Variants in ADAM12 observed in about 807,000 individuals in gnomAD.
The protein encoded by ADAM12 is disintegrin and metalloproteinase domain-containing protein 12.
In ADAM12, 70 loss-of-function variants were observed where a neutral mutation model predicts 106.4. The ratio of observed to expected loss-of-function variants is 0.66; its 90% CI spans 0.54 to 0.80. The LOEUF (loss-of-function observed/expected upper bound fraction) is 0.80. Ranked by LOEUF, ADAM12 falls within the 30% of genes least tolerant of loss-of-function variation. ADAM12 has a pLI of 0.00. For synonymous variants in ADAM12, 420 were observed against 433.5 expected, an observed-to-expected ratio of 0.97 and a Z score of 0.39; for missense variants, 1,010 against 1,171.9, an observed-to-expected ratio of 0.86 and a Z score of 2.02.
intron 4 of ADAM12, among the ~76,000 whole-genome samples, chr10:126,139,985 C>T (rs1380560364): frequency 1.3e-5 from 2 of 152,184 alleles, no homozygotes; most frequent in Non-Finnish European, 2.9e-5. Flanking sequence ...TGCTCTGGGG[C>T]ATCAGGGGGA....
At chr10:126,371,015 T>C (rs1296137393) in intron 1 of ADAM12, among the ~76,000 whole-genome samples, 4 of 152,240 alleles carry the variant, frequency 2.6e-5, no homozygotes, top group Non-Finnish European at 5.9e-5. Flanking sequence ...CACTATTAGT[T>C]ATTCGTGTAA....
intron 3 of ADAM12, among the ~76,000 whole-genome samples, chr10:126,233,507 G>A (rs560700739): frequency 2.6e-4 from 39 of 152,080 alleles, no homozygotes; most frequent in Admixed American, 1.8e-3. Flanking sequence ...GGCCCACATG[G>A]TTTGGGTGGG....
chr10:126,359,957 T>A (rs1855685280), intron 1 of ADAM12, among the ~76,000 whole-genome samples: 1 of 152,116 alleles, frequency 6.6e-6, no homozygotes, highest in Non-Finnish European at 1.5e-5. Context: ...TAGCTGGAGG[T>A]TCCCAAACCC....
chr10:126,080,492 G>A lies in ADAM12; in HGVS notation c.1146-8838C>T, dbSNP rs7099801. ...CTTTAGCACGATCCTTTCCCTTGGC[G>A]TGAGAATGCTTTAAAATGGTGATAC... On this transcript the variant is annotated intron_variant, in intron 11 of 22. Coordinates refer to ENST00000448723, the MANE Select transcript of ADAM12 (RefSeq NM_001288973.2). Among the ~76,000 whole-genome samples the A allele has an allele frequency of 7.7e-3, 1,165 of 152,106 alleles. 10 individuals carry two copies. The highest frequency in any genetic ancestry group is 0.031 in the Middle Eastern group (9 of 294).
At chr10:126,142,960 G>A (rs1454766450) in intron 4 of ADAM12, among the ~76,000 whole-genome samples, 1 of 152,000 alleles carries the variant, frequency 6.6e-6, no homozygotes, top group Non-Finnish European at 1.5e-5. Context: ...ATATGCATGT[G>A]TGTATATCAG....
intron 12 of ADAM12, among the ~76,000 whole-genome samples, chr10:126,067,634 A>G (rs969327362): frequency 6.6e-6 from 1 of 152,258 alleles, no homozygotes; most frequent in Admixed American, 6.5e-5. Flanking sequence ...CGCATTTATC[A>G]AGTGAAGTCC....
chr10:126,044,984 A>G (rs900574750), intron 17 of ADAM12, among the ~76,000 whole-genome samples: 6 of 152,098 alleles, frequency 3.9e-5, no homozygotes, highest in Admixed American at 3.3e-4. Flanking sequence ...TTAGGGTGGG[A>G]CTGTGGCCAA....
At chr10:126,190,294 G>A (rs1590591725) in intron 3 of ADAM12, among the ~76,000 whole-genome samples, 2 of 151,704 alleles carry the variant, frequency 1.3e-5, no homozygotes, top group Admixed American at 1.3e-4. Flanking sequence ...CTCCACTTCT[G>A]GGTTCAAGCA....
intron 1 of ADAM12, among the ~76,000 whole-genome samples, chr10:126,368,900 C>T (rs929556430): frequency 2.6e-5 from 4 of 152,114 alleles, no homozygotes; most frequent in Non-Finnish European, 4.4e-5. Context: ...TGCCCATCCT[C>T]GCATCTGTAC....
intron 14 of ADAM12, among the ~76,000 whole-genome samples, chr10:126,051,540 T>C (rs373528636): frequency 0.01 from 547 of 53,626 alleles, no homozygotes; most frequent in African/African-American, 0.031. Context: ...CAGCCACCCA[T>C]CCATCCATCC....
rs1956864517 is a variant in ADAM12, at chr10:126,158,463, TGCACAGAGCATGG to T, written c.261-3171_261-3159del. ...GGATGCACAGAGCACGGGGAGAGAA[TGCACAGAGCATGG>T]GGAGAGGATGCACAGAGCACGGAGA... is the stretch of plus-strand genomic sequence containing the variant. On this transcript the variant is annotated intron_variant, in intron 3 of 22. Coordinates refer to ENST00000448723, the MANE Select transcript of ADAM12 (RefSeq NM_001288973.2). 9.0e-5 allele frequency among the ~76,000 whole-genome samples: 7 copies of T among 77,352 alleles called. 1 individual carries two copies. The highest frequency in any genetic ancestry group is 7.3e-4 in the Admixed American group (4 of 5,490). 50.7% of individuals were successfully genotyped at this position (77,352 alleles called of 152,430 possible). A position where few individuals can be genotyped will look rare whatever the true frequency, so the allele number is the denominator to read the frequency against.
chr10:126,307,507 C>A (rs1960899346), intron 2 of ADAM12, among the ~76,000 whole-genome samples: 1 of 152,104 alleles, frequency 6.6e-6, no homozygotes, highest in Admixed American at 6.5e-5. Context: ...GCATGCACAA[C>A]CACATCCGAC....
Position 126,222,297 on chromosome 10 carries a change from G to A in ADAM12, c.260+56618C>T, listed in dbSNP as rs190524815. Among the ~76,000 whole-genome samples the A allele has an allele frequency of 2.3e-3, 354 of 152,064 alleles. 2 individuals carry two copies. Among genetic ancestry groups the A allele is most frequent in the African/African-American group, 8.2e-3 (340 of 41,492 alleles). On this transcript the variant is annotated intron_variant, in intron 3 of 22. Transcript: ENST00000448723. ...AAAAGCACCTCATTCAGGGCAATTC[G>A]CCTTTGAGGTCTCACGTGAAATTGA...
At chr10:126,121,994 A>C (rs1956124439) in intron 5 of ADAM12, among the ~76,000 whole-genome samples, 1 of 152,174 alleles carries the variant, frequency 6.6e-6, no homozygotes, top group African/African-American at 2.4e-5. Flanking sequence ...TATCATGCTC[A>C]GGATACTGGT....
intron 3 of ADAM12, among the ~76,000 whole-genome samples, chr10:126,191,673 C>T (rs1300454540): frequency 6.6e-6 from 1 of 152,078 alleles, no homozygotes; most frequent in Non-Finnish European, 1.5e-5. Context: ...AAAGATAATT[C>T]AACAATGTTG....
At chr10:126,294,273 C>A (rs1488616713) in intron 2 of ADAM12, among the ~76,000 whole-genome samples, 2 of 152,138 alleles carry the variant, frequency 1.3e-5, no homozygotes, top group Non-Finnish European at 2.9e-5. Context: ...GATTTGCTGA[C>A]AAAGTATTTA....
At position 126,291,840 on chromosome 10, in the gene ADAM12, G is replaced by A. The variant is rs144676396; in HGVS notation, c.187-12852C>T. ...CTGTGTGGCCCCTTGGAGCCACCACGTTAACCAGACTATCACTTCACCAGG... is the reference window on the plus strand; with the variant it reads ...CTGTGTGGCCCCTTGGAGCCACCACATTAACCAGACTATCACTTCACCAGG... On this transcript the variant is annotated intron_variant, in intron 2 of 22. Coordinates refer to ENST00000448723, the MANE Select transcript of ADAM12 (RefSeq NM_001288973.2). Among the ~76,000 whole-genome samples, 1,311 of 152,296 alleles carry A rather than the reference G, an allele frequency of 8.6e-3. 10 individuals carry two copies. Among genetic ancestry groups the A allele is most frequent in the Non-Finnish European group, 0.012 (833 of 68,022 alleles).
At chr10:126,042,927 G>A in intron 18 of ADAM12, 113 bp downstream of exon 18, 2 of 1,001,578 alleles carry the variant, frequency 2.0e-6, no homozygotes, top group South Asian at 1.6e-5. Flanking sequence ...ACCCATGTGG[G>A]GTCCCCACTG....
Position 126,016,066 on chromosome 10 carries a change from T to C in ADAM12, c.*1213A>G, listed in dbSNP as rs921090939. 2.0e-5 allele frequency: 3 copies of C among 152,158 alleles called. No homozygotes were observed. The allele number at this position is 152,158 out of a possible 1,614,324, so 9.4% of individuals were successfully genotyped here. ...GTTTAAGAAATAGGTTCAGACTCTG[T>C]TAAAAGCATCTTTTAAAGATTCCTG... On this transcript the variant is annotated 3_prime_UTR_variant, in exon 23 of 23. Coordinates refer to ENST00000448723, the MANE Select transcript of ADAM12 (RefSeq NM_001288973.2).
Sources: allele counts gnomAD v4.1 joint callset (sites outside exome capture counted in the v4.1 genomes callset), GRCh38; gene constraint gnomAD v4.1.1; transcripts MANE v1.5; gene names NCBI Gene and HGNC (gene_info 2026-07-23, HGNC 2026-07-21).